The following TENM3 variants were observed in gnomAD, a reference collection of about 807,000 sequenced individuals.
The protein encoded by TENM3 is teneurin-3.
Under a neutral mutation model 255.1 loss-of-function variants are expected in TENM3, and 63 were observed. That is an observed-to-expected ratio of 0.25 (90% CI 0.20 to 0.30). TENM3 has a LOEUF of 0.30. TENM3 is among the 10% of genes least tolerant of loss of function. TENM3 has a pLI of 1.00. For synonymous variants in TENM3, 1,306 were observed against 1,322.3 expected, an observed-to-expected ratio of 0.99 and a Z score of 0.27; for missense variants, 2,929 against 3,461.1, an observed-to-expected ratio of 0.85 and a Z score of 3.86.
At position 182,462,442 on chromosome 4, in the gene TENM3, G is replaced by A. The variant is rs77407167; in HGVS notation, c.511+115513G>A. Among the ~76,000 whole-genome samples the A allele has an allele frequency of 2.9e-3, 434 of 151,436 alleles. 4 individuals carry two copies. In the East Asian group the frequency reaches 0.049, roughly 17 times the overall value. On this transcript the variant is annotated intron_variant, in intron 3 of 27. Coordinates refer to ENST00000511685, the MANE Select transcript of TENM3 (RefSeq NM_001080477.4). The stretch of plus-strand genomic sequence containing the variant: ...ACTTTTTTCAGATGGTAAATCCCAG[G>A]TCAGAGACTGTCTTCTGCTTGTTTT...
chr4:182,437,947 G>C (rs1319427864), intron 3 of TENM3, among the ~76,000 whole-genome samples: 1 of 151,996 alleles, frequency 6.6e-6, no homozygotes, highest in Admixed American at 6.6e-5. Flanking sequence ...GCGAGATCCT[G>C]TCTCAAATAA....
chr4:182,792,783 G>A lies in TENM3; in HGVS notation c.6111G>A (p.Thr2037=), dbSNP rs753521401. The A allele has an allele frequency of 5.6e-6, 9 of 1,613,800 alleles. No homozygotes were observed. Among genetic ancestry groups the A allele is most frequent in the South Asian group, 3.3e-5 (3 of 91,090 alleles). Residue 2037 remains threonine, a synonymous_variant, in exon 26 of 28, where the codon ACG becomes ACA. Transcript: ENST00000511685. This position sits in a 1 kb window ranked among gnomAD's most constrained non-coding sequence, Gnocchi z 6.3. ...GCATGCAGGGTGTGATCAATGAAAC[G>A]CCACTGCCTATTGATCTGTATCAGT... The part of the protein sequence containing the change: ...VTSMQGVINE[T]PLPIDLYQFD...
chr4:182,576,928 T>G (rs951399493), intron 3 of TENM3, among the ~76,000 whole-genome samples: 4 of 152,180 alleles, frequency 2.6e-5, no homozygotes, highest in Non-Finnish European at 2.9e-5. Context: ...GCAAGGCCCA[T>G]GAAAATCTTT....
intron 1 of TENM3, among the ~76,000 whole-genome samples, chr4:182,188,714 T>A (rs1177348571): frequency 1.3e-5 from 2 of 152,144 alleles, no homozygotes; most frequent in African/African-American, 4.8e-5. Context: ...AAATGCTAAT[T>A]GCAGAAGGGA....
At chr4:182,415,541 A>T (rs1329554487) in intron 3 of TENM3, among the ~76,000 whole-genome samples, 1 of 152,116 alleles carries the variant, frequency 6.6e-6, no homozygotes, top group Non-Finnish European at 1.5e-5. Context: ...TTCCTTTGGC[A>T]TGATAAGAGA....
the TENM3 span, among the ~76,000 whole-genome samples, chr4:181,937,388 C>T: frequency 6.6e-6 from 1 of 152,192 alleles, no homozygotes; most frequent in Non-Finnish European, 1.5e-5. Flanking sequence ...TAAAGTACAA[C>T]TTCTGCAAGA....
At chr4:182,768,672 G>A (rs1763925554) in intron 22 of TENM3, among the ~76,000 whole-genome samples, 1 of 152,078 alleles carries the variant, frequency 6.6e-6, no homozygotes, top group African/African-American at 2.4e-5. Flanking sequence ...GGCATTTGTC[G>A]ATAATCCCAC....
At chr4:182,783,724 G>A (rs1765374898) in intron 24 of TENM3, among the ~76,000 whole-genome samples, 1 of 152,114 alleles carries the variant, frequency 6.6e-6, no homozygotes, top group Non-Finnish European at 1.5e-5. Flanking sequence ...TTTTCACATA[G>A]TCCCATGTTT....
chr4:181,696,042 A>T, the TENM3 span, among the ~76,000 whole-genome samples: 1 of 152,122 alleles, frequency 6.6e-6, no homozygotes, highest in Non-Finnish European at 1.5e-5. Flanking sequence ...TCATGTGTAA[A>T]TGAGCCCCTT....
At chr4:182,594,686 GTGT>G (rs1747018455) in intron 3 of TENM3, among the ~76,000 whole-genome samples, 41 of 4,968 alleles carry the variant, frequency 8.3e-3, no homozygotes, top group African/African-American at 0.017. Flanking sequence ...TTGTTTTGGT[GTGT>G]GTGTGTGTGT....
At chr4:182,610,164 A>T (rs1491001211) in intron 4 of TENM3, among the ~76,000 whole-genome samples, 1 of 152,232 alleles carries the variant, frequency 6.6e-6, no homozygotes, top group African/African-American at 2.4e-5. Flanking sequence ...AATAACTGTG[A>T]TAATATGTAA....
the TENM3 span, among the ~76,000 whole-genome samples, chr4:182,004,331 T>C: frequency 6.6e-6 from 1 of 152,282 alleles, no homozygotes; most frequent in East Asian, 1.9e-4. Context: ...GGTTTTCTGT[T>C]CCTATGTTAG....
At chr4:182,797,532 G>A (rs904299778) in intron 27 of TENM3, among the ~76,000 whole-genome samples, 2 of 152,156 alleles carry the variant, frequency 1.3e-5, no homozygotes, top group Non-Finnish European at 2.9e-5. Flanking sequence ...CCTACAACCA[G>A]GAAGGTTTAT....
intron 22 of TENM3, among the ~76,000 whole-genome samples, chr4:182,755,794 C>T (rs938087060): frequency 1.1e-4 from 17 of 150,894 alleles, no homozygotes; most frequent in Non-Finnish European, 2.1e-4. Flanking sequence ...GAGCCGAGAT[C>T]GCGCCACTGC....
the TENM3 span, among the ~76,000 whole-genome samples, chr4:181,685,879 C>G: frequency 6.6e-6 from 1 of 152,158 alleles, no homozygotes; most frequent in African/African-American, 2.4e-5. Context: ...TTCTCATCTA[C>G]TAGTGGGTGT....
At chr4:182,222,223 T>C (rs962535882) in intron 1 of TENM3, among the ~76,000 whole-genome samples, 2 of 152,232 alleles carry the variant, frequency 1.3e-5, no homozygotes, top group Non-Finnish European at 2.9e-5. Flanking sequence ...ATTTCCCAAT[T>C]TTTAGACTGT....
chr4:181,727,658 A>G, the TENM3 span, among the ~76,000 whole-genome samples: 1 of 152,232 alleles, frequency 6.6e-6, no homozygotes, highest in Admixed American at 6.5e-5. Flanking sequence ...ATTATTTGTC[A>G]GATTTACTAC....
intron 3 of TENM3, among the ~76,000 whole-genome samples, chr4:182,430,872 C>T (rs781303083): frequency 6.6e-6 from 1 of 151,646 alleles, no homozygotes; most frequent in Non-Finnish European, 1.5e-5. Context: ...ATTAACTGGG[C>T]ATGGTGGTGG....
chr4:182,109,685 G>A, the TENM3 span, among the ~76,000 whole-genome samples: 1 of 152,160 alleles, frequency 6.6e-6, no homozygotes, highest in Non-Finnish European at 1.5e-5. Context: ...GCCATACTGA[G>A]GTCCGAATTT....
Sources: allele counts gnomAD v4.1 joint callset (sites outside exome capture counted in the v4.1 genomes callset), GRCh38; gene constraint gnomAD v4.1.1; non-coding constraint Gnocchi (gnomAD v3.1); transcripts MANE v1.5; gene names NCBI Gene and HGNC (gene_info 2026-07-23, HGNC 2026-07-21).